GAS7: variants seen among roughly 807,000 people sequenced by gnomAD.
GAS7 encodes the protein growth arrest-specific protein 7.
Under a neutral mutation model 71.1 loss-of-function variants are expected in GAS7, and 28 were observed. The ratio of observed to expected loss-of-function variants is 0.39; its 90% CI spans 0.29 to 0.54. The LOEUF (loss-of-function observed/expected upper bound fraction) is 0.54, where lower values mean the gene tolerates loss of function less well. Ranked by LOEUF, GAS7 falls within the 20% of genes least tolerant of loss-of-function variation. GAS7 has a pLI of 0.62. For missense variants in GAS7, 436 were observed against 627.8 expected, an observed-to-expected ratio of 0.69 and a Z score of 3.27; for synonymous variants, 258 against 245.8, an observed-to-expected ratio of 1.05 and a Z score of -0.46.
chr17:9,938,470 C>CAAAAAAA, intron 8 of GAS7, among the ~76,000 whole-genome samples: 1 of 65,174 alleles, frequency 1.5e-5, no homozygotes, highest in Non-Finnish European at 2.8e-5. Context: ...GACTCTGTCT[C>CAAAAAAA]AAAAAAAAAA....
At chr17:9,951,760 CAAAAAAAAAAAA>C (rs59048492) in intron 5 of GAS7, among the ~76,000 whole-genome samples, 2 of 69,012 alleles carry the variant, frequency 2.9e-5, no homozygotes, top group East Asian at 1.1e-3. Context: ...AACTCTGTCT[CAAAAAAAAAAAA>C]AAAAAAAAAA....
chr17:10,142,203 G>C (rs7219136), intron 1 of GAS7, among the ~76,000 whole-genome samples: 15,604 of 129,892 alleles, frequency 0.12, 1,139 homozygotes, highest in South Asian at 0.23. Context: ...GCGACACAGC[G>C]AGACTCTGTC....
chr17:10,008,935 G>T (rs372635139), intron 2 of GAS7, among the ~76,000 whole-genome samples: 34 of 152,232 alleles, frequency 2.2e-4, no homozygotes, highest in African/African-American at 7.2e-4. Context: ...CTTCTCAGAG[G>T]AACTTTTATT....
chr17:10,172,689 C>G (rs866567628), intron 1 of GAS7, among the ~76,000 whole-genome samples: 10 of 152,208 alleles, frequency 6.6e-5, no homozygotes, highest in Non-Finnish European at 1.5e-4. Flanking sequence ...GTAAGCAAGG[C>G]AGGGAATTTT....
chr17:10,137,908 G>C (rs2074051170), intron 1 of GAS7, among the ~76,000 whole-genome samples: 1 of 151,940 alleles, frequency 6.6e-6, no homozygotes, highest in African/African-American at 2.4e-5. Flanking sequence ...GTTTTTGGTT[G>C]ACCAAGGTAC....
chr17:9,958,129 T>C (rs2069324863), intron 5 of GAS7, among the ~76,000 whole-genome samples: 1 of 152,180 alleles, frequency 6.6e-6, no homozygotes. Flanking sequence ...TTGACAGTTA[T>C]TGACTGAGAC....
chr17:10,057,334 C>T (rs1241521397), intron 1 of GAS7, among the ~76,000 whole-genome samples: 4 of 151,992 alleles, frequency 2.6e-5, no homozygotes, highest in African/African-American at 7.2e-5. Context: ...GCTGCCATCC[C>T]ATCTAGGAAG....
At chr17:10,191,874 C>CAAA (rs11303007) in intron 1 of GAS7, among the ~76,000 whole-genome samples, 6 of 110,400 alleles carry the variant, frequency 5.4e-5, no homozygotes, top group African/African-American at 1.0e-4. Flanking sequence ...GACTCCATCT[C>CAAA]AAAAAAAAAA....
chr17:10,131,271 C>A (rs115298106), intron 1 of GAS7, among the ~76,000 whole-genome samples: 1 of 152,196 alleles, frequency 6.6e-6, no homozygotes, highest in Admixed American at 6.5e-5. Context: ...CTGAACACAG[C>A]GGGGCCTGAT....
intron 1 of GAS7, among the ~76,000 whole-genome samples, chr17:10,040,742 C>T (rs561188415): frequency 6.6e-6 from 1 of 152,292 alleles, no homozygotes; most frequent in South Asian, 2.1e-4. Context: ...TGCATCTTCT[C>T]TCTGCAGTGT....
chr17:10,145,605 T>C (rs2074115439), intron 1 of GAS7, among the ~76,000 whole-genome samples: 1 of 152,198 alleles, frequency 6.6e-6, no homozygotes, highest in Non-Finnish European at 1.5e-5. Flanking sequence ...GCCGGATCTG[T>C]GCCCCAATCC....
In GAS7 at chr17:9,959,308, T is replaced by G. The variant is rs777893347; in HGVS notation, c.472-53A>C. ...AAAGCTGTTCTCCATATTGGACATT[T>G]TTTCCCCCCATTCAGGTTCCCTGAG... is the stretch of plus-strand genomic sequence containing the variant. On this transcript the variant is annotated intron_variant, in intron 4 of 13. Transcript: ENST00000432992. The surrounding 1 kb of genome is among the most constrained non-coding windows in gnomAD (Gnocchi z 5.0). 20 of 1,612,928 alleles carry G rather than the reference T, an allele frequency of 1.2e-5. No homozygotes were observed. In the East Asian group the frequency reaches 1.3e-4, roughly 11 times the overall value.
rs114943927 is a variant in GAS7, at chr17:10,178,431, C to A, written c.183+19777G>T. 9.2e-3 allele frequency among the ~76,000 whole-genome samples: 1,400 copies of A among 152,188 alleles called. 23 individuals carry two copies. The highest frequency in any genetic ancestry group is 0.03 in the African/African-American group (1,255 of 41,508). On this transcript the variant is annotated intron_variant, in intron 1 of 13. Coordinates refer to ENST00000432992, the MANE Select transcript of GAS7 (RefSeq NM_201433.2). The stretch of plus-strand genomic sequence containing the variant: ...TGAGGAAGGAGTCTGGCTTCATGTC[C>A]ACTCCGGCTATTTTCTCCCAGGTGA...
chr17:9,919,729 T>A lies in GAS7; in HGVS notation c.1139-24A>T. ...TCCTGGAAAAAGACCACAGTCACCATCATGAAGCATCCTATCCTCACCATG... is the reference window on the plus strand; with the variant it reads ...TCCTGGAAAAAGACCACAGTCACCAACATGAAGCATCCTATCCTCACCATG... On this transcript the variant is annotated intron_variant, in intron 11 of 13. Transcript: ENST00000432992. This position sits in a 1 kb window ranked among gnomAD's most constrained non-coding sequence, Gnocchi z 5.0. 1 of 1,538,664 alleles carries A rather than the reference T, an allele frequency of 6.5e-7. No individual in the cohort carries two copies. The highest frequency in any genetic ancestry group is 1.7e-4 in the Middle Eastern group (1 of 5,940).
intron 2 of GAS7, among the ~76,000 whole-genome samples, chr17:9,996,904 T>G (rs902529083): frequency 6.6e-6 from 1 of 152,064 alleles, no homozygotes; most frequent in Admixed American, 6.6e-5. Flanking sequence ...CCTCCCAAAG[T>G]GCTGGGATTA....
rs2067582991 is a variant in GAS7, at chr17:9,916,403, A to G, written c.*825T>C. 4.3e-6 allele frequency: 1 copy of G among 233,250 alleles called. No individual in the cohort carries two copies. The highest frequency in any genetic ancestry group is 8.5e-6 in the Non-Finnish European group (1 of 117,950). 14.4% of individuals were successfully genotyped at this position (233,250 alleles called of 1,614,324 possible). ...TTTGGACGAGCTGGATGAGGTCTTGATAACTGAGAACTTTGGAAAGCTTCC... is the reference window on the plus strand; with the variant it reads ...TTTGGACGAGCTGGATGAGGTCTTGGTAACTGAGAACTTTGGAAAGCTTCC... On this transcript the variant is annotated 3_prime_UTR_variant, in exon 14 of 14. Coordinates refer to ENST00000432992, the MANE Select transcript of GAS7 (RefSeq NM_201433.2).
intron 2 of GAS7, among the ~76,000 whole-genome samples, chr17:10,006,173 T>G (rs970465632): frequency 2.0e-5 from 3 of 151,894 alleles, no homozygotes; most frequent in Non-Finnish European, 4.4e-5. Context: ...AAGAAGAAAC[T>G]TTACAACTCC....
chr17:10,156,159 T>C (rs1476672442), intron 1 of GAS7, among the ~76,000 whole-genome samples: 1 of 152,228 alleles, frequency 6.6e-6, no homozygotes, highest in Non-Finnish European at 1.5e-5. Flanking sequence ...CCATCACTTT[T>C]TTGGTCCTTG....
At chr17:10,111,611 G>A (rs1026945900) in intron 1 of GAS7, among the ~76,000 whole-genome samples, 1 of 151,928 alleles carries the variant, frequency 6.6e-6, no homozygotes, top group Non-Finnish European at 1.5e-5. Flanking sequence ...TTGAACCCAG[G>A]AGGCAGAGGG....
Sources: gnomAD v4.1 joint callset for allele counts (sites outside exome capture counted in the v4.1 genomes callset) on GRCh38, gnomAD v4.1.1 for gene constraint, Gnocchi (gnomAD v3.1) non-coding constraint, MANE v1.5 for transcripts, NCBI Gene and HGNC (gene_info 2026-07-23, HGNC 2026-07-21) for gene names.